ANK2: variants seen among roughly 807,000 people sequenced by gnomAD.
ANK2 encodes the protein ankyrin-2.
In ANK2, 83 loss-of-function variants were observed where a neutral mutation model predicts 360.5. The observed-to-expected ratio is 0.23, with a 90% CI of 0.19 to 0.28. The LOEUF (loss-of-function observed/expected upper bound fraction) is 0.28. ANK2 is among the 10% of genes least tolerant of loss of function. The pLI is 1.00. For missense variants in ANK2, 4,201 were observed against 4,795.7 expected (o/e 0.88, Z 3.66); for synonymous variants, 1,740 against 1,759.5 (o/e 0.99, Z 0.28).
the ANK2 span, among the ~76,000 whole-genome samples, chr4:112,735,210 C>A: frequency 2.0e-5 from 3 of 151,984 alleles, no homozygotes; most frequent in African/African-American, 7.3e-5. Flanking sequence ...CATAGTGAAA[C>A]CCTGTTTCTA....
chr4:113,099,229 G>T (rs2092337720), intron 1 of ANK2, among the ~76,000 whole-genome samples: 2 of 150,424 alleles, frequency 1.3e-5, no homozygotes. Context: ...TTCACAGATG[G>T]CATAATTGTC....
chr4:113,134,008 A>G (rs1380809234), intron 1 of ANK2, among the ~76,000 whole-genome samples: 5 of 152,078 alleles, frequency 3.3e-5, no homozygotes, highest in African/African-American at 9.7e-5. Context: ...TGTGATTTAC[A>G]CTACAGCAAG....
chr4:113,066,196 C>A (rs1168349989), intron 1 of ANK2, among the ~76,000 whole-genome samples: 1 of 152,168 alleles, frequency 6.6e-6, no homozygotes, highest in Non-Finnish European at 1.5e-5. Context: ...CCCCCCAGCC[C>A]CACAAAACAC....
At chr4:113,315,632 C>T (rs1217908529) in intron 24 of ANK2, among the ~76,000 whole-genome samples, 1 of 152,156 alleles carries the variant, frequency 6.6e-6, no homozygotes, top group Non-Finnish European at 1.5e-5. Context: ...GGCATAGTGG[C>T]TCACGCCTGT....
At chr4:113,153,741 C>T (rs1049988766) in intron 1 of ANK2, among the ~76,000 whole-genome samples, 1 of 152,188 alleles carries the variant, frequency 6.6e-6, no homozygotes, top group African/African-American at 2.4e-5. Flanking sequence ...CCAAAGTGTA[C>T]TCTGTGAACT....
chr4:112,905,649 C>A (rs917073753), intron 2 of ANK2, among the ~76,000 whole-genome samples: 6 of 152,008 alleles, frequency 3.9e-5, no homozygotes, highest in African/African-American at 1.4e-4. Context: ...TCAGCTTAGG[C>A]TATTTTCTTT....
intron 2 of ANK2, among the ~76,000 whole-genome samples, chr4:113,190,478 G>GT (rs61608551): frequency 0.055 from 8,036 of 146,100 alleles, 556 homozygotes; most frequent in African/African-American, 0.17. Context: ...TCATTTTAAT[G>GT]TTTTTTTTTT....
At chr4:112,758,349 A>G in the ANK2 span, among the ~76,000 whole-genome samples, 32 of 152,270 alleles carry the variant, frequency 2.1e-4, no homozygotes, top group African/African-American at 7.5e-4. Context: ...ACGCTGCATA[A>G]TCTTTCAGCA....
chr4:112,917,349 A>G (rs1048264931), intron 2 of ANK2, among the ~76,000 whole-genome samples: 1 of 152,196 alleles, frequency 6.6e-6, no homozygotes, highest in African/African-American at 2.4e-5. Flanking sequence ...TTATTCTCCT[A>G]TTTAAGATTT....
At chr4:113,282,164 T>C (rs2062672347) in intron 17 of ANK2, among the ~76,000 whole-genome samples, 1 of 152,224 alleles carries the variant, frequency 6.6e-6, no homozygotes, top group South Asian at 2.1e-4. Flanking sequence ...ATGTGAAGTG[T>C]AGCCTTGGTT....
At chr4:113,229,048 G>A (rs1363831387) in intron 4 of ANK2, among the ~76,000 whole-genome samples, 2 of 152,106 alleles carry the variant, frequency 1.3e-5, no homozygotes, top group Non-Finnish European at 2.9e-5. Context: ...GAAGGGTGTG[G>A]ACACACCAAC....
chr4:112,732,925 CA>C, the ANK2 span, among the ~76,000 whole-genome samples: 104 of 149,510 alleles, frequency 7.0e-4, 1 homozygote, highest in African/African-American at 2.2e-3. Context: ...ACTAAAAATA[CA>C]AAAAAAAAGG....
At position 113,278,563 on chromosome 4, in the gene ANK2, G is replaced by A. The variant is rs1304585592; in HGVS notation, c.1881+5G>A. On this transcript the variant is annotated splice_donor_5th_base_variant and intron_variant, in intron 17 of 45. Transcript: ENST00000357077. ...TCCCCTCATGCCACTGCCAAGGTGA[G>A]GACCACAGAAAAGGATTTACAGGCA... 5.0e-6 allele frequency: 8 copies of A among 1,613,330 alleles called. No homozygotes were observed. The highest frequency in any genetic ancestry group is 6.8e-6 in the Non-Finnish European group (8 of 1,179,524).
chr4:113,366,053 T>C (rs2096521278), intron 41 of ANK2, among the ~76,000 whole-genome samples: 1 of 152,328 alleles, frequency 6.6e-6, no homozygotes, highest in East Asian at 1.9e-4. Context: ...CATGCTTTAA[T>C]AGATCCCATC....
Position 113,255,804 on chromosome 4 carries a change from C to T in ANK2, c.1060C>T (p.His354Tyr), listed in dbSNP as rs375189482. 4 of 1,614,100 alleles carry T rather than the reference C, an allele frequency of 2.5e-6. No homozygotes were observed. Among genetic ancestry groups the T allele is most frequent in the East Asian group, 2.2e-5 (1 of 44,898 alleles). Reference protein sequence around the residue: ...HVECVKHLLQHKAPVDDVTLD... With the variant: ...HVECVKHLLQYKAPVDDVTLD... ...GGAATGTGTGAAGCACCTGTTACAGCACAAGGCACCTGTTGATGATGTCAC... is the reference window on the plus strand; with the variant it reads ...GGAATGTGTGAAGCACCTGTTACAGTACAAGGCACCTGTTGATGATGTCAC... Residue 354 changes from histidine to tyrosine, a missense_variant, in exon 11 of 46, where the codon CAC becomes TAC. By Grantham distance (83) the His-to-Tyr change is moderately conservative (BLOSUM62 2). Around this residue, in one of 4 missense-constraint regions of ANK2, gnomAD observed 1,268 missense variants for 1,650.8 expected, o/e 0.77. Transcript: ENST00000357077.
chr4:113,202,320 G>A (rs1301102710), intron 4 of ANK2, among the ~76,000 whole-genome samples: 1 of 152,084 alleles, frequency 6.6e-6, no homozygotes, highest in African/African-American at 2.4e-5. Context: ...GTAAGATACA[G>A]GATTCTTTAT....
chr4:112,931,040 C>G (rs1182438507), intron 2 of ANK2, among the ~76,000 whole-genome samples: 1 of 152,074 alleles, frequency 6.6e-6, no homozygotes, highest in African/African-American at 2.4e-5. Context: ...GGTCAGAACA[C>G]AAGGTCATGG....
chr4:112,835,267 C>T (rs1033485603), intron 1 of ANK2, among the ~76,000 whole-genome samples: 2 of 152,072 alleles, frequency 1.3e-5, no homozygotes, highest in African/African-American at 2.4e-5. Context: ...AAGAAGTTTC[C>T]CTCATGACTT....
chr4:112,725,780 G>C, the ANK2 span, among the ~76,000 whole-genome samples: 1 of 152,134 alleles, frequency 6.6e-6, no homozygotes, highest in East Asian at 1.9e-4. Context: ...GAGGCTGGGG[G>C]AATGGGAAGT....
Sources: allele counts gnomAD v4.1 joint callset (sites outside exome capture counted in the v4.1 genomes callset), GRCh38; gene constraint gnomAD v4.1.1; regional missense constraint gnomAD v4.1.1; transcripts MANE v1.5; gene names NCBI Gene and HGNC (gene_info 2026-07-23, HGNC 2026-07-21).